PPARA: variants seen among roughly 807,000 people sequenced by gnomAD.
The protein encoded by PPARA is peroxisome proliferator activated receptor alpha.
A neutral mutation model predicts 42.2 loss-of-function variants in PPARA; 22 were observed. The observed-to-expected ratio is 0.52, with a 90% CI of 0.37 to 0.74. PPARA has a LOEUF of 0.74. Among genes scored for constraint, PPARA ranks in the 30% least tolerant of loss-of-function variants. The pLI is 0.00. For missense variants in PPARA, 465 were observed against 608.2 expected (o/e 0.76, Z 2.48); for synonymous variants, 242 against 239.3 (o/e 1.01, Z -0.10).
At position 46,235,124 on chromosome 22, in the gene PPARA, C is replaced by G. The variant is rs562526999; in HGVS notation, c.1160-9C>G. ...ACACTCAAACCTCTCTCTCTTCTTTCGAGACTAGATCGTCCTGGCCTTCTA... is the reference window on the plus strand; with the variant it reads ...ACACTCAAACCTCTCTCTCTTCTTTGGAGACTAGATCGTCCTGGCCTTCTA... On this transcript the variant is annotated splice_polypyrimidine_tract_variant and intron_variant, in intron 8 of 8. Transcript: ENST00000407236. This position sits in a 1 kb window ranked among gnomAD's most constrained non-coding sequence, Gnocchi z 7.0. 3 of 1,613,906 alleles carry G rather than the reference C, an allele frequency of 1.9e-6. No homozygotes were observed. The highest frequency in any genetic ancestry group is 2.7e-5 in the African/African-American group (2 of 75,036).
rs1206203242 is a variant in PPARA at position 46,192,944 on chromosome 22, G to C, written c.-42-5398G>C. Among the ~76,000 whole-genome samples the C allele has an allele frequency of 6.6e-6, 1 of 152,180 alleles. No individual in the cohort carries two copies. Among genetic ancestry groups the C allele is most frequent in the East Asian group, 1.9e-4 (1 of 5,200 alleles). On this transcript the variant is annotated intron_variant, in intron 3 of 8. Coordinates refer to ENST00000407236, the MANE Select transcript of PPARA (RefSeq NM_005036.6). This position sits in a 1 kb window ranked among gnomAD's most constrained non-coding sequence, Gnocchi z 4.3. ...AAAAATCAAATCACTTGAACTCAGA[G>C]AGATTAGAAGGATGGTTACCAGAGG...
Position 46,203,383 on chromosome 22 carries a change from CA to C in PPARA, c.208+4793del, listed in dbSNP as rs1932948189. Among the ~76,000 whole-genome samples, 1 of 152,134 alleles carries C rather than the reference CA, an allele frequency of 6.6e-6. No homozygotes were observed. Among genetic ancestry groups the C allele is most frequent in the Non-Finnish European group, 1.5e-5 (1 of 68,036 alleles). On this transcript the variant is annotated intron_variant, in intron 4 of 8. Coordinates refer to ENST00000407236, the MANE Select transcript of PPARA (RefSeq NM_005036.6). This position sits in a 1 kb window ranked among gnomAD's most constrained non-coding sequence, Gnocchi z 5.8. ...AGGCTGGTTCACTCGGCCAAAGTAC[CA>C]TTTTATCTCTGCTTTTTCTTCCCGG...
chr22:46,155,021 A>AC (rs1555927383), intron 2 of PPARA: 4 of 125,584 alleles, frequency 3.2e-5, no homozygotes, highest in African/African-American at 1.1e-4. Context: ...AAAAAAAAAA[A>AC]AAAAAACCAC....
At chr22:46,217,304 A>G (rs1363125983) in intron 5 of PPARA, among the ~76,000 whole-genome samples, 2 of 152,210 alleles carry the variant, frequency 1.3e-5, no homozygotes, top group Admixed American at 6.5e-5. Flanking sequence ...AAGCAAAGAG[A>G]AAAAAGAACC....
chr22:46,167,809 G>A lies in PPARA; in HGVS notation c.-126-8944G>A, dbSNP rs1927298353. ...TGTCATTCCAATGCTTTGGGGGACC[G>A]AGGTGAGAGGATAGCTTGAGGCCAG... On this transcript the variant is annotated intron_variant, in intron 2 of 8. Transcript: ENST00000407236. This position sits in a 1 kb window ranked among gnomAD's most constrained non-coding sequence, Gnocchi z 4.1. Among the ~76,000 whole-genome samples, 3 of 152,052 alleles carry A rather than the reference G, an allele frequency of 2.0e-5. No individual in the cohort carries two copies. Among genetic ancestry groups the A allele is most frequent in the South Asian group, 4.1e-4 (2 of 4,822 alleles).
chr22:46,155,149 G>A (rs1331023566), intron 2 of PPARA: 1 of 151,744 alleles, frequency 6.6e-6, no homozygotes, highest in Non-Finnish European at 1.5e-5. Context: ...ATGGCAAATA[G>A]GATGAGTGTC....
At chr22:46,210,989 G>A (rs530033430) in intron 4 of PPARA, among the ~76,000 whole-genome samples, 1 of 152,258 alleles carries the variant, frequency 6.6e-6, no homozygotes, top group Admixed American at 6.5e-5. Context: ...CATGACTTCA[G>A]TGATCTTCCA....
At position 46,224,317 on chromosome 22, in the gene PPARA, G is replaced by A. The variant is rs755720330; in HGVS notation, c.711+4303G>A. On this transcript the variant is annotated intron_variant, in intron 7 of 8. Coordinates refer to ENST00000407236, the MANE Select transcript of PPARA (RefSeq NM_005036.6). The surrounding 1 kb of genome is among the most constrained non-coding windows in gnomAD (Gnocchi z 5.7). ...TCTGCTTAGTCTGGGAAAAGGCCCC[G>A]TTGGCAGGATGCCCACCACCAGGCC... Among the ~76,000 whole-genome samples the A allele has an allele frequency of 3.0e-4, 45 of 152,300 alleles. No individual in the cohort carries two copies. Among genetic ancestry groups the A allele is most frequent in the Middle Eastern group, 3.4e-3 (1 of 294 alleles).
intron 4 of PPARA, among the ~76,000 whole-genome samples, chr22:46,208,509 C>T (rs557763624): frequency 1.3e-5 from 2 of 149,908 alleles, no homozygotes; most frequent in East Asian, 2.0e-4. Context: ...GATCATGCTA[C>T]TGCACTCCAG....
rs1288437417 is a variant in PPARA at position 46,183,675 on chromosome 22, G to A, written c.-43+6839G>A. Among the ~76,000 whole-genome samples, 4 of 152,178 alleles carry A rather than the reference G, an allele frequency of 2.6e-5. No homozygotes were observed. The highest frequency in any genetic ancestry group is 1.3e-4 in the Admixed American group (2 of 15,268). On this transcript the variant is annotated intron_variant, in intron 3 of 8. Coordinates refer to ENST00000407236, the MANE Select transcript of PPARA (RefSeq NM_005036.6). The surrounding 1 kb of genome is among the most constrained non-coding windows in gnomAD (Gnocchi z 5.5). The stretch of plus-strand genomic sequence containing the variant: ...GAGGATCACTTGAGCCTGGGAGGTC[G>A]ATATTGCAGTGAGCTGTAATTGCAC...
At chr22:46,175,348 T>C (rs1230332629) in intron 2 of PPARA, among the ~76,000 whole-genome samples, 1 of 152,208 alleles carries the variant, frequency 6.6e-6, no homozygotes, top group African/African-American at 2.4e-5. Flanking sequence ...CCAAACCCAC[T>C]TCTCTCCTAC....
At position 46,237,728 on chromosome 22, in the gene PPARA, A is replaced by G. The variant is rs1321863723; in HGVS notation, c.*2348A>G. On this transcript the variant is annotated 3_prime_UTR_variant, in exon 9 of 9. Transcript: ENST00000407236. The surrounding 1 kb of genome is among the most constrained non-coding windows in gnomAD (Gnocchi z 6.7). ...AAAGCAAATAAAAGTGTTTCCATAT[A>G]TGCCACCAGCCAAGTGGCCATCCTA... 2 of 152,250 alleles carry G rather than the reference A, an allele frequency of 1.3e-5. No homozygotes were observed. The highest frequency in any genetic ancestry group is 6.5e-5 in the Admixed American group (1 of 15,290). The allele number at this position is 152,250 out of a possible 1,614,324, so 9.4% of individuals were successfully genotyped here.
chr22:46,243,642 T>A lies in PPARA; in HGVS notation c.*8262T>A, dbSNP rs1457943591. 1.3e-5 allele frequency: 2 copies of A among 152,572 alleles called. No homozygotes were observed. The highest frequency in any genetic ancestry group is 1.3e-4 in the Admixed American group (2 of 15,282). 9.5% of individuals were successfully genotyped at this position (152,572 alleles called of 1,614,324 possible). ...TGTATTGATTTATATCCTGAATATA[T>A]GGGAACTTCTGTGTTTGGGATGTCC... On this transcript the variant is annotated 3_prime_UTR_variant, in exon 9 of 9. Transcript: ENST00000407236. This position sits in a 1 kb window ranked among gnomAD's most constrained non-coding sequence, Gnocchi z 5.0.
At chr22:46,229,024 A>G (rs1196451183) in intron 7 of PPARA, among the ~76,000 whole-genome samples, 2 of 150,282 alleles carry the variant, frequency 1.3e-5, no homozygotes. Flanking sequence ...GGAGAATGGC[A>G]TGAACCCGGG....
rs149002248 is a variant in PPARA at position 46,157,709 on chromosome 22, G to A, written c.-127+5739G>A. Among the ~76,000 whole-genome samples, 29 of 152,310 alleles carry A rather than the reference G, an allele frequency of 1.9e-4. No homozygotes were observed. In the East Asian group the frequency reaches 4.1e-3, roughly 21 times the overall value. On this transcript the variant is annotated intron_variant, in intron 2 of 8. Transcript: ENST00000407236. Reference sequence around the variant, plus strand: ...AAGGGGTATGGTGAAAGGGAAGTGAGGTGGGCAGCACTGATATTTAACAAG... The same window carrying A: ...AAGGGGTATGGTGAAAGGGAAGTGAAGTGGGCAGCACTGATATTTAACAAG...
rs1601842657 is a variant in PPARA at position 46,242,136 on chromosome 22, A to G, written c.*6756A>G. The G allele has an allele frequency of 6.6e-6, 1 of 152,182 alleles. No homozygotes were observed. Among genetic ancestry groups the G allele is most frequent in the African/African-American group, 2.4e-5 (1 of 41,434 alleles). The allele number at this position is 152,182 out of a possible 1,614,324, so 9.4% of individuals were successfully genotyped here. A position where few individuals can be genotyped will look rare whatever the true frequency, so the allele number is the denominator to read the frequency against. On this transcript the variant is annotated 3_prime_UTR_variant, in exon 9 of 9. Transcript: ENST00000407236. The surrounding 1 kb of genome is among the most constrained non-coding windows in gnomAD (Gnocchi z 6.1). Reference sequence around the variant, plus strand: ...AATCCATTCATTTAATGAATTGATAAAGTGCCGTGCAAACTGGTGCACAAA... The same window carrying G: ...AATCCATTCATTTAATGAATTGATAGAGTGCCGTGCAAACTGGTGCACAAA...
rs1555959744 is a variant in PPARA, at chr22:46,227,156, T to TTTTTTTTTTTTTTTTTTTTTTTTGAGACG, written c.712-4636_712-4635insTTTTTTTTTTTTTTTTTTTTTTTGAGACG. ...ATTAAAAAATGTGCTTCATATTTTATGCCATTTCTACAAATGTATAGTAAA... is the reference window on the plus strand; with the variant it reads ...ATTAAAAAATGTGCTTCATATTTTATTTTTTTTTTTTTTTTTTTTTTTTGAGACGGCCATTTCTACAAATGTATAGTAAA... On this transcript the variant is annotated intron_variant, in intron 7 of 8. Coordinates refer to ENST00000407236, the MANE Select transcript of PPARA (RefSeq NM_005036.6). This position sits in a 1 kb window ranked among gnomAD's most constrained non-coding sequence, Gnocchi z 4.3. Among the ~76,000 whole-genome samples the TTTTTTTTTTTTTTTTTTTTTTTTGAGACG allele has an allele frequency of 6.8e-6, 1 of 147,954 alleles. No homozygotes were observed. The highest frequency in any genetic ancestry group is 1.5e-5 in the Non-Finnish European group (1 of 66,738).
rs1455700421 is a variant in PPARA at position 46,239,454 on chromosome 22, T to C, written c.*4074T>C. On this transcript the variant is annotated 3_prime_UTR_variant, in exon 9 of 9. Transcript: ENST00000407236. ...GCAGGTGGGATGGAGACTCCTTGAG[T>C]GCACACACCTGAGCCTGCCCACACA... 6.7e-6 allele frequency: 1 copy of C among 149,550 alleles called. No homozygotes were observed. The highest frequency in any genetic ancestry group is 2.0e-4 in the East Asian group (1 of 5,064). 9.3% of individuals were successfully genotyped at this position (149,550 alleles called of 1,614,324 possible). A position where few individuals can be genotyped will look rare whatever the true frequency, so the allele number is the denominator to read the frequency against.
rs1292888738 is a variant in PPARA at position 46,188,536 on chromosome 22, A to T, written c.-42-9806A>T. ...TGTTTATTTGTACCTCTCACCTGCTAGTTGGGCAAGTTACTCACTTCTCTC... is the reference window on the plus strand; with the variant it reads ...TGTTTATTTGTACCTCTCACCTGCTTGTTGGGCAAGTTACTCACTTCTCTC... On this transcript the variant is annotated intron_variant, in intron 3 of 8. Coordinates refer to ENST00000407236, the MANE Select transcript of PPARA (RefSeq NM_005036.6). The surrounding 1 kb of genome is among the most constrained non-coding windows in gnomAD (Gnocchi z 5.0). 2.6e-5 allele frequency among the ~76,000 whole-genome samples: 4 copies of T among 152,116 alleles called. No individual in the cohort carries two copies. The highest frequency in any genetic ancestry group is 9.7e-5 in the African/African-American group (4 of 41,420).
Sources: allele counts gnomAD v4.1 joint callset (sites outside exome capture counted in the v4.1 genomes callset), GRCh38; gene constraint gnomAD v4.1.1; non-coding constraint Gnocchi (gnomAD v3.1); transcripts MANE v1.5; gene names NCBI Gene and HGNC (gene_info 2026-07-23, HGNC 2026-07-21).